ADGRL3: variants seen among roughly 807,000 people sequenced by gnomAD.
ADGRL3 encodes the protein calcium-independent alpha-latrotoxin receptor 3.
ADGRL3 carries 62 observed loss-of-function variants against 153.5 expected under a neutral mutation model. That is an observed-to-expected ratio of 0.40 (90% CI 0.33 to 0.50). The LOEUF is 0.50. Among genes scored for constraint, ADGRL3 ranks in the 20% least tolerant of loss-of-function variants. ADGRL3 has a pLI of 0.47. For missense variants in ADGRL3, 1,641 were observed against 1,859.4 expected, an observed-to-expected ratio of 0.88 and a Z score of 2.16; for synonymous variants, 710 against 672.5, an observed-to-expected ratio of 1.06 and a Z score of -0.86.
At chr4:61,648,052 CATA>C (rs1319784265) in intron 5 of ADGRL3, among the ~76,000 whole-genome samples, 2 of 152,082 alleles carry the variant, frequency 1.3e-5, no homozygotes, top group East Asian at 3.9e-4. Flanking sequence ...TTTTATTTCT[CATA>C]ATAATTCTTT....
chr4:61,508,071 T>C (rs2098441632), intron 3 of ADGRL3, among the ~76,000 whole-genome samples: 1 of 152,148 alleles, frequency 6.6e-6, no homozygotes, highest in African/African-American at 2.4e-5. Context: ...TTATCACTCC[T>C]CTTAAGGTAC....
chr4:61,375,357 G>T (rs911994155), intron 1 of ADGRL3, among the ~76,000 whole-genome samples: 8 of 152,036 alleles, frequency 5.3e-5, no homozygotes, highest in African/African-American at 1.9e-4. Context: ...TTAAAGAAAA[G>T]GATTTTTTCT....
At chr4:61,753,055 A>G (rs1431170154) in intron 8 of ADGRL3, among the ~76,000 whole-genome samples, 4 of 152,128 alleles carry the variant, frequency 2.6e-5, no homozygotes, top group Non-Finnish European at 5.9e-5. Flanking sequence ...CTGAGTTGGT[A>G]GATTGTCCCA....
At chr4:61,497,787 G>A (rs1473398042) in intron 3 of ADGRL3, among the ~76,000 whole-genome samples, 1 of 151,526 alleles carries the variant, frequency 6.6e-6, no homozygotes. Context: ...GCCTCCCAAA[G>A]TGCTGGGATT....
intron 1 of ADGRL3, among the ~76,000 whole-genome samples, chr4:61,326,012 G>A (rs1057066366): frequency 6.6e-6 from 1 of 152,144 alleles, no homozygotes; most frequent in Non-Finnish European, 1.5e-5. Context: ...TTGCACAGGT[G>A]AGGAATAAGG....
intron 19 of ADGRL3, among the ~76,000 whole-genome samples, chr4:61,986,328 C>A (rs1176361509): frequency 6.6e-6 from 1 of 151,950 alleles, no homozygotes; most frequent in Non-Finnish European, 1.5e-5. Context: ...ATTTTTTTCT[C>A]CTTATTTGGA....
In ADGRL3 at chr4:62,071,857, A is replaced by G; in HGVS notation, c.*949A>G. 3.0e-6 allele frequency: 1 copy of G among 333,488 alleles called. No homozygotes were observed. Among genetic ancestry groups the G allele is most frequent in the South Asian group, 2.5e-5 (1 of 39,884 alleles). 20.7% of individuals were successfully genotyped at this position (333,488 alleles called of 1,614,324 possible). A position where few individuals can be genotyped will look rare whatever the true frequency, so the allele number is the denominator to read the frequency against. ...TAATGCAAACAAATTATTTTTTACA[A>G]AAAAACAAAATAAATAAAATTAGAC... On this transcript the variant is annotated 3_prime_UTR_variant, in exon 27 of 27. Coordinates refer to ENST00000683033, the MANE Select transcript of ADGRL3 (RefSeq NM_001387552.1).
chr4:61,756,609 A>T (rs1049223460), intron 8 of ADGRL3, among the ~76,000 whole-genome samples: 2 of 152,092 alleles, frequency 1.3e-5, no homozygotes, highest in African/African-American at 4.8e-5. Context: ...AATACCCTTT[A>T]TTTCTTTCTC....
intron 9 of ADGRL3, among the ~76,000 whole-genome samples, chr4:61,822,442 T>A (rs1424360209): frequency 1.3e-5 from 2 of 152,168 alleles, no homozygotes; most frequent in African/African-American, 4.8e-5. Context: ...GATTATCATA[T>A]CTCTAGGTTC....
At chr4:61,340,491 A>G (rs1350061366) in intron 1 of ADGRL3, among the ~76,000 whole-genome samples, 1 of 152,106 alleles carries the variant, frequency 6.6e-6, no homozygotes, top group African/African-American at 2.4e-5. Context: ...TAAATGCTTA[A>G]TAAAAGTAAA....
chr4:61,720,518 A>G (rs1181748733), intron 6 of ADGRL3, among the ~76,000 whole-genome samples: 1 of 152,232 alleles, frequency 6.6e-6, no homozygotes, highest in African/African-American at 2.4e-5. Context: ...TCTGCTAAAT[A>G]TAACTTAGCA....
intron 21 of ADGRL3, among the ~76,000 whole-genome samples, chr4:62,020,551 A>G (rs1272646349): frequency 6.6e-6 from 1 of 152,182 alleles, no homozygotes; most frequent in Non-Finnish European, 1.5e-5. Context: ...TGACTAAAGT[A>G]AGTTTTCACT....
chr4:61,217,837 C>A (rs1430633069), intron 1 of ADGRL3, among the ~76,000 whole-genome samples: 1 of 152,022 alleles, frequency 6.6e-6, no homozygotes, highest in Non-Finnish European at 1.5e-5. Flanking sequence ...ATCTTTTGTC[C>A]CTGAGAAACG....
At chr4:61,737,334 G>A (rs1351584523) in intron 8 of ADGRL3, among the ~76,000 whole-genome samples, 1 of 152,104 alleles carries the variant, frequency 6.6e-6, no homozygotes, top group East Asian at 1.9e-4. Context: ...GGGTATCTAT[G>A]TTTTATGTCT....
At chr4:62,053,089 AT>A (rs1735079439) in intron 25 of ADGRL3, among the ~76,000 whole-genome samples, 1 of 151,506 alleles carries the variant, frequency 6.6e-6, no homozygotes, top group Non-Finnish European at 1.5e-5. Context: ...GATACCATAT[AT>A]AATATTCAAA....
chr4:61,288,297 C>T (rs2094025327), intron 1 of ADGRL3, among the ~76,000 whole-genome samples: 1 of 151,910 alleles, frequency 6.6e-6, no homozygotes, highest in Non-Finnish European at 1.5e-5. Flanking sequence ...TAACCATTAG[C>T]ATTAACTAAA....
At chr4:61,299,747 C>T (rs952527190) in intron 1 of ADGRL3, among the ~76,000 whole-genome samples, 3 of 152,096 alleles carry the variant, frequency 2.0e-5, no homozygotes, top group African/African-American at 4.8e-5. Context: ...GAATGTAACT[C>T]TTTATATAAA....
chr4:61,264,408 G>A (rs1257441532), intron 1 of ADGRL3, among the ~76,000 whole-genome samples: 1 of 151,886 alleles, frequency 6.6e-6, no homozygotes, highest in Non-Finnish European at 1.5e-5. Flanking sequence ...CTAGATTTAG[G>A]TTTTTCTCAA....
intron 8 of ADGRL3, among the ~76,000 whole-genome samples, chr4:61,735,620 G>T (rs1009624934): frequency 6.6e-6 from 1 of 151,860 alleles, no homozygotes; most frequent in African/African-American, 2.4e-5. Context: ...TGTTATGGAT[G>T]GTTCTTAGCC....
Sources: gnomAD v4.1 joint callset for allele counts (sites outside exome capture counted in the v4.1 genomes callset) on GRCh38, gnomAD v4.1.1 for gene constraint, MANE v1.5 for transcripts, NCBI Gene and HGNC (gene_info 2026-07-23, HGNC 2026-07-21) for gene names.